The following DNAH14 variants were observed in gnomAD, a reference collection of about 807,000 sequenced individuals.
DNAH14 encodes axonemal beta dynein heavy chain 14.
A neutral mutation model predicts 520.9 loss-of-function variants in DNAH14; 478 were observed. The ratio of observed to expected loss-of-function variants is 0.92; its 90% CI spans 0.85 to 0.99. The LOEUF is 0.99. DNAH14 is among the 50% of genes least tolerant of loss of function. The pLI is 0.00. For missense variants in DNAH14, 4,831 were observed against 5,234.5 expected, an observed-to-expected ratio of 0.92 and a Z score of 2.38; for synonymous variants, 1,581 against 1,757.2, an observed-to-expected ratio of 0.90 and a Z score of 2.51.
intron 54 of DNAH14, among the ~76,000 whole-genome samples, chr1:225,280,691 A>G (rs2093609028): frequency 1.3e-5 from 2 of 152,206 alleles, no homozygotes; most frequent in Admixed American, 1.3e-4. Context: ...ATTAACACCT[A>G]GACACATCAT....
chr1:225,181,682 T>G lies in DNAH14; in HGVS notation c.5536-3609T>G, dbSNP rs141648585. 2.9e-3 allele frequency among the ~76,000 whole-genome samples: 447 copies of G among 152,314 alleles called. 1 individual carries two copies. Among genetic ancestry groups the G allele is most frequent in the African/African-American group, 9.5e-3 (396 of 41,562 alleles). On this transcript the variant is annotated intron_variant, in intron 36 of 85. Coordinates refer to ENST00000682510, the MANE Select transcript of DNAH14 (RefSeq NM_001367479.1). ...CTTTTTAATGGAGTTGTTTATTTAT[T>G]TATTTGTTTGTTTGCTTGTTGAATT...
intron 1 of DNAH14, among the ~76,000 whole-genome samples, chr1:224,950,230 T>C (rs2060085672): frequency 6.6e-6 from 1 of 152,228 alleles, no homozygotes; most frequent in South Asian, 2.1e-4. Flanking sequence ...TTAAATGAGT[T>C]TAATGCTGTT....
chr1:225,135,453 G>A (rs1286706197), intron 27 of DNAH14, among the ~76,000 whole-genome samples: 2 of 152,150 alleles, frequency 1.3e-5, no homozygotes, highest in African/African-American at 4.8e-5. Flanking sequence ...TTTCTATGTA[G>A]TTGTATGGTT....
At chr1:225,202,564 G>A (rs2086986917) in intron 38 of DNAH14, among the ~76,000 whole-genome samples, 1 of 152,130 alleles carries the variant, frequency 6.6e-6, no homozygotes, top group South Asian at 2.1e-4. Context: ...CACCGGGTCT[G>A]TTTCCAGGCA....
At chr1:225,245,222 T>A (rs2092213998) in intron 43 of DNAH14, among the ~76,000 whole-genome samples, 1 of 152,218 alleles carries the variant, frequency 6.6e-6, no homozygotes, top group African/African-American at 2.4e-5. Flanking sequence ...CTGTTATGAT[T>A]TCCTTTCTTT....
rs201607067 is a variant in DNAH14 at position 225,335,467 on chromosome 1, A to G, written c.10081-1799A>G. Among the ~76,000 whole-genome samples, 808 of 93,714 alleles carry G rather than the reference A, an allele frequency of 8.6e-3. 134 individuals are homozygous for G. Among genetic ancestry groups the G allele is most frequent in the African/African-American group, 0.041 (730 of 17,924 alleles). 61.5% of individuals were successfully genotyped at this position (93,714 alleles called of 152,430 possible). A position where few individuals can be genotyped will look rare whatever the true frequency, so the allele number is the denominator to read the frequency against. On this transcript the variant is annotated intron_variant, in intron 66 of 85. Transcript: ENST00000682510. The stretch of plus-strand genomic sequence containing the variant: ...TGTATGCACATATGCACGTGTGTAC[A>G]TGTGTGTGTATGCACATATACACGT...
intron 71 of DNAH14, among the ~76,000 whole-genome samples, chr1:225,348,486 G>T (rs1026038552): frequency 6.6e-6 from 1 of 152,124 alleles, no homozygotes; most frequent in Non-Finnish European, 1.5e-5. Flanking sequence ...CAAGAGAAAA[G>T]TTATTTGTAC....
rs1298877671 is a variant in DNAH14 at position 225,377,456 on chromosome 1, A to C, written c.12716+20A>C. ...GATCAGGTAAGAACTCGCTAGGAAAAATTGTTGGTCAAAAATTATCAGGCT... is the reference window on the plus strand; with the variant it reads ...GATCAGGTAAGAACTCGCTAGGAAACATTGTTGGTCAAAAATTATCAGGCT... On this transcript the variant is annotated intron_variant, in intron 79 of 85. Coordinates refer to ENST00000682510, the MANE Select transcript of DNAH14 (RefSeq NM_001367479.1). 2 of 1,528,218 alleles carry C rather than the reference A, an allele frequency of 1.3e-6. No homozygotes were observed. The highest frequency in any genetic ancestry group is 1.8e-6 in the Non-Finnish European group (2 of 1,134,796). The allele number at this position is 1,528,218 out of a possible 1,614,324, so 94.7% of individuals were successfully genotyped here.
In DNAH14 at chr1:224,946,693, T is replaced by C. The variant is rs528218557; in HGVS notation, c.-33-5977T>C. On this transcript the variant is annotated intron_variant, in intron 1 of 85. Transcript: ENST00000682510. ...ATATTCTTGTTTTTAAGTTATTCAC[T>C]ATCTCTAGATCAGAAAATTGTTCAG... Among the ~76,000 whole-genome samples, 6 of 152,340 alleles carry C rather than the reference T, an allele frequency of 3.9e-5. No homozygotes were observed. In the East Asian group the frequency reaches 1.2e-3, roughly 29 times the overall value.
chr1:225,187,294 T>C (rs1004224739), intron 37 of DNAH14, among the ~76,000 whole-genome samples: 1 of 151,830 alleles, frequency 6.6e-6, no homozygotes, highest in Non-Finnish European at 1.5e-5. Flanking sequence ...CACCCCTTTC[T>C]CATTAAGAAA....
Position 225,364,808 on chromosome 1 carries a change from G to A in DNAH14, c.12004G>A (p.Val4002Met), listed in dbSNP as rs753865304. 1.4e-5 allele frequency: 22 copies of A among 1,545,892 alleles called. No individual in the cohort carries two copies. The highest frequency in any genetic ancestry group is 7.4e-5 in the East Asian group (3 of 40,764). ...TIVESFNSPN[V>M]TIDPEFRLWL... ...ATTTTGCAGTTTTAATAGTCCAAAC[G>A]TGACAATAGACCCTGAGTTTCGGCT... The change falls in exon 76 of 86, where the codon GTG (valine) becomes ATG (methionine). Residue 4002 changes from valine to methionine, a missense_variant. Physicochemically the swap from Val to Met is conservative, Grantham distance 21. Transcript: ENST00000682510.
chr1:225,195,467 A>G (rs2086005905), intron 38 of DNAH14, among the ~76,000 whole-genome samples: 3 of 151,958 alleles, frequency 2.0e-5, no homozygotes. Flanking sequence ...CTACACATGG[A>G]TACAAAGATG....
intron 77 of DNAH14, among the ~76,000 whole-genome samples, chr1:225,371,856 T>C (rs2095622249): frequency 6.6e-6 from 1 of 152,096 alleles, no homozygotes; most frequent in Non-Finnish European, 1.5e-5. Context: ...ACAAGAAACA[T>C]ATGGGTCCTA....
intron 11 of DNAH14, among the ~76,000 whole-genome samples, chr1:225,034,483 C>T (rs538028255): frequency 2.0e-5 from 3 of 149,246 alleles, no homozygotes; most frequent in African/African-American, 7.5e-5. Context: ...AGGATTTTTG[C>T]ATCAATATTC....
intron 8 of DNAH14, among the ~76,000 whole-genome samples, chr1:224,988,554 G>A (rs1292923089): frequency 6.6e-6 from 1 of 152,216 alleles, no homozygotes; most frequent in East Asian, 1.9e-4. Flanking sequence ...GTGGAAGATG[G>A]TGTGGTGAGT....
At chr1:225,310,060 AAAAT>A (rs139314329) in intron 60 of DNAH14, among the ~76,000 whole-genome samples, 8,812 of 151,062 alleles carry the variant, frequency 0.058, 297 homozygotes, top group African/African-American at 0.092. Flanking sequence ...TAAAAAAAGA[AAAAT>A]AAATAAATAA....
chr1:225,194,650 A>G (rs886749028), intron 38 of DNAH14, among the ~76,000 whole-genome samples: 1 of 152,208 alleles, frequency 6.6e-6, no homozygotes, highest in Non-Finnish European at 1.5e-5. Context: ...AGCAATTGCA[A>G]TGAAACAAAA....
intron 84 of DNAH14, chr1:225,397,769 G>A (rs941978861): frequency 2.6e-5 from 4 of 152,160 alleles, no homozygotes; most frequent in Admixed American, 6.5e-5. Context: ...AACCCGGCCG[G>A]GCATGGTGGC....
chr1:224,972,807 T>C (rs1260984099), intron 7 of DNAH14, among the ~76,000 whole-genome samples: 1 of 152,204 alleles, frequency 6.6e-6, no homozygotes, highest in Admixed American at 6.5e-5. Context: ...TAGATCACTA[T>C]ATTATAAAAG....
Sources: gnomAD v4.1 joint callset for allele counts (sites outside exome capture counted in the v4.1 genomes callset) on GRCh38, gnomAD v4.1.1 for gene constraint, MANE v1.5 for transcripts, NCBI Gene and HGNC (gene_info 2026-07-23, HGNC 2026-07-21) for gene names.